RAB27A: variants seen among roughly 807,000 people sequenced by gnomAD.
RAB27A encodes the protein ras-related protein Rab-27A.
In RAB27A, 17 loss-of-function variants were observed where a neutral mutation model predicts 20.8. That is an observed-to-expected ratio of 0.82 (90% CI 0.56 to 1.23). The LOEUF (loss-of-function observed/expected upper bound fraction) is 1.23. RAB27A is among the 50% of genes most tolerant of loss of function. The probability of loss-of-function intolerance (pLI) is 0.00; values close to 1 mark genes in which losing one functional copy is unlikely to be tolerated. For missense variants in RAB27A, 277 were observed against 266.7 expected (o/e 1.04, Z -0.27); for synonymous variants, 85 against 92.8 (o/e 0.92, Z 0.48).
At chr15:55,291,628 G>A (rs1334293460), upstream of RAB27A, among the ~76,000 whole-genome samples, 1 of 148,268 alleles carries the variant, frequency 6.7e-6, no homozygotes, top group African/African-American at 2.5e-5. Flanking sequence ...CAATAATGTA[G>A]TAATTGCTAA....
chr15:55,214,430 C>T (rs190098898), intron 6 of RAB27A, among the ~76,000 whole-genome samples: 90 of 152,234 alleles, frequency 5.9e-4, no homozygotes, highest in Non-Finnish European at 1.0e-3. Flanking sequence ...AGCGAGACTC[C>T]GTCTCAAAAC....
chr15:55,258,059 TCA>T (rs1391975093), intron 2 of RAB27A, among the ~76,000 whole-genome samples: 1 of 121,042 alleles, frequency 8.3e-6, no homozygotes, highest in Non-Finnish European at 1.6e-5. Flanking sequence ...ACAGCGAGAC[TCA>T]GTCTCAAAAA....
Position 55,309,091 on chromosome 15 carries a change from C to T in RAB27A, c.-112+4948G>A, listed in dbSNP as rs1046189181. Among the ~76,000 whole-genome samples the T allele has an allele frequency of 5.3e-5, 8 of 152,260 alleles. No homozygotes were observed. In the South Asian group the frequency reaches 1.7e-3, roughly 32 times the overall value. On this transcript the variant is annotated intron_variant, in intron 2 of 5. Transcript: ENST00000563262. ...GGGCCTTCTTTAGGGCCTGGAAAGC[C>T]GCTTCTGCTTCAGGTGTCCATCTTA...
chr15:55,262,260 G>A (rs112345598), intron 2 of RAB27A, among the ~76,000 whole-genome samples: 85 of 151,868 alleles, frequency 5.6e-4, no homozygotes, highest in African/African-American at 1.9e-3. Flanking sequence ...ATAAAAAGTC[G>A]GCCAGGCGCG....
In RAB27A at chr15:55,209,790, GTGTA is replaced by G. The variant is rs1268726268; in HGVS notation, c.468-4089_468-4086del. ...CATATACATATATACACACATATGTGTGTATGTATACATATATACACACATGTGT... is the reference window on the plus strand; with the variant it reads ...CATATACATATATACACACATATGTGTGTATACATATATACACACATGTGT... On this transcript the variant is annotated intron_variant, in intron 6 of 6. Coordinates refer to ENST00000336787, the MANE Select transcript of RAB27A (RefSeq NM_183235.3). Among the ~76,000 whole-genome samples, 19 of 137,894 alleles carry G rather than the reference GTGTA, an allele frequency of 1.4e-4. 6 individuals are homozygous for G. Among genetic ancestry groups the G allele is most frequent in the African/African-American group, 5.6e-4 (18 of 32,178 alleles). 90.5% of individuals were successfully genotyped at this position (137,894 alleles called of 152,430 possible). A position where few individuals can be genotyped will look rare whatever the true frequency, so the allele number is the denominator to read the frequency against.
intron 2 of RAB27A, among the ~76,000 whole-genome samples, chr15:55,237,647 T>G (rs1363001619): frequency 1.3e-5 from 2 of 152,154 alleles, no homozygotes; most frequent in Non-Finnish European, 2.9e-5. Context: ...CTCTAAGTTA[T>G]TGGAAATAAG....
At chr15:55,247,818 G>A (rs1403739774) in intron 2 of RAB27A, among the ~76,000 whole-genome samples, 1 of 152,062 alleles carries the variant, frequency 6.6e-6, no homozygotes, top group Non-Finnish European at 1.5e-5. Flanking sequence ...TGTACAAAAT[G>A]AGAATATGAG....
chr15:55,280,519 A>ATG (rs1013577138), intron 1 of RAB27A, among the ~76,000 whole-genome samples: 41 of 149,808 alleles, frequency 2.7e-4, no homozygotes, highest in Admixed American at 2.6e-3. Flanking sequence ...ATATATATAT[A>ATG]TATATATACT....
intron 5 of RAB27A, 58 bp downstream of exon 5, chr15:55,228,551 G>A: frequency 8.0e-7 from 1 of 1,249,104 alleles, no homozygotes; most frequent in Non-Finnish European, 1.2e-6. Context: ...GCATAAGAGG[G>A]CATTCTATAA....
At chr15:55,260,574 G>A (rs114127206) in intron 2 of RAB27A, among the ~76,000 whole-genome samples, 4,513 of 152,210 alleles carry the variant, frequency 0.03, 236 homozygotes, top group African/African-American at 0.1. Context: ...AATAAACTGT[G>A]GTACATTCAG....
chr15:55,284,934 A>T (rs2141127002), intron 1 of RAB27A, among the ~76,000 whole-genome samples: 1 of 152,324 alleles, frequency 6.6e-6, no homozygotes, highest in Non-Finnish European at 1.5e-5. Flanking sequence ...ATACATGCAC[A>T]ATCACCAAAA....
At chr15:55,259,118 G>C (rs1353590289) in intron 2 of RAB27A, among the ~76,000 whole-genome samples, 1 of 151,950 alleles carries the variant, frequency 6.6e-6, no homozygotes, top group African/African-American at 2.4e-5. Flanking sequence ...GCCCAGCCAG[G>C]TTCTTTTTCT....
intron 1 of RAB27A, among the ~76,000 whole-genome samples, chr15:55,276,489 G>C (rs1253042585): frequency 6.6e-6 from 1 of 152,172 alleles, no homozygotes; most frequent in Non-Finnish European, 1.5e-5. Context: ...ACAATTGCTT[G>C]AGCCTATGAC....
upstream of RAB27A, among the ~76,000 whole-genome samples, chr15:55,292,437 G>A (rs1349076975): frequency 1.3e-5 from 2 of 152,314 alleles, no homozygotes; most frequent in Non-Finnish European, 2.9e-5. Context: ...CAATTAGCAC[G>A]CTGTAATCCA....
intron 6 of RAB27A, among the ~76,000 whole-genome samples, chr15:55,217,006 A>G (rs867957995): frequency 3.3e-5 from 5 of 152,070 alleles, no homozygotes; most frequent in African/African-American, 1.2e-4. Context: ...AAGGTATAAG[A>G]GCTCTAACTT....
intron 2 of RAB27A, among the ~76,000 whole-genome samples, chr15:55,248,301 T>C (rs545415832): frequency 2.6e-5 from 4 of 152,194 alleles, no homozygotes; most frequent in African/African-American, 7.2e-5. Flanking sequence ...TGCCATAACC[T>C]CTCTACAGTC....
In RAB27A at chr15:55,251,034, C is replaced by G. The variant is rs568791676; in HGVS notation, c.-22-16078G>C. The stretch of plus-strand genomic sequence containing the variant: ...ACTGTACACATTTAGAAAATCATTG[C>G]AGAAAGGTCTACCTACAATGCAGCT... On this transcript the variant is annotated intron_variant, in intron 2 of 6. Coordinates refer to ENST00000336787, the MANE Select transcript of RAB27A (RefSeq NM_183235.3). Among the ~76,000 whole-genome samples, 5 of 152,316 alleles carry G rather than the reference C, an allele frequency of 3.3e-5. No homozygotes were observed. The East Asian group carries it at 9.6e-4, about 29-fold the overall frequency.
chr15:55,244,876 A>T (rs369065665), intron 2 of RAB27A, among the ~76,000 whole-genome samples: 1 of 152,184 alleles, frequency 6.6e-6, no homozygotes. Flanking sequence ...TATAAACCTT[A>T]TCAGTACTTT....
chr15:55,249,300 G>C lies in RAB27A; in HGVS notation c.-22-14344C>G, dbSNP rs184677451. On this transcript the variant is annotated intron_variant, in intron 2 of 6. Transcript: ENST00000336787. ...ATTAAGTGTATTTATTTAGAGGCAG[G>C]GTCTCACTCTGTCACCCAGGCTGGA... Among the ~76,000 whole-genome samples the C allele has an allele frequency of 5.2e-3, 794 of 152,134 alleles. 5 individuals are homozygous for C. The highest frequency in any genetic ancestry group is 8.1e-3 in the Non-Finnish European group (553 of 68,018).
Sources: gnomAD v4.1 joint callset for allele counts (sites outside exome capture counted in the v4.1 genomes callset) on GRCh38, gnomAD v4.1.1 for gene constraint, MANE v1.5 for transcripts, NCBI Gene and HGNC (gene_info 2026-07-23, HGNC 2026-07-21) for gene names.